LRRC4C: variants seen among roughly 807,000 people sequenced by gnomAD.
LRRC4C encodes the protein leucine-rich repeat-containing protein 4C.
LRRC4C carries 5 observed loss-of-function variants against 33.6 expected under a neutral mutation model. The observed-to-expected ratio is 0.15, with a 90% CI of 0.08 to 0.31. The LOEUF (loss-of-function observed/expected upper bound fraction) is 0.31. LRRC4C is among the 10% of genes least tolerant of loss of function. The pLI is 1.00. For synonymous variants in LRRC4C, 329 were observed against 302.0 expected, an observed-to-expected ratio of 1.09 and a Z score of -0.93; for missense variants, 560 against 796.7, an observed-to-expected ratio of 0.70 and a Z score of 3.58.
At chr11:40,204,442 G>A (rs1862995747) in intron 5 of LRRC4C, among the ~76,000 whole-genome samples, 1 of 151,898 alleles carries the variant, frequency 6.6e-6, no homozygotes, top group African/African-American at 2.4e-5. Flanking sequence ...TCCTTTCTCT[G>A]CCCCTTTGAC....
intron 1 of LRRC4C, among the ~76,000 whole-genome samples, chr11:41,273,274 G>A (rs10837609): frequency 0.18 from 26,812 of 151,966 alleles, 2,957 homozygotes; most frequent in East Asian, 0.44. Flanking sequence ...TCCCACTTCC[G>A]GTTATGTATC....
chr11:41,321,187 C>T (rs1950948655), intron 1 of LRRC4C, among the ~76,000 whole-genome samples: 1 of 152,000 alleles, frequency 6.6e-6, no homozygotes, highest in African/African-American at 2.4e-5. Context: ...TCTTTTTATG[C>T]CATGTAATGT....
intron 2 of LRRC4C, among the ~76,000 whole-genome samples, chr11:40,776,588 AT>A (rs1950005340): frequency 1.3e-5 from 2 of 151,726 alleles, no homozygotes; most frequent in African/African-American, 4.8e-5. Flanking sequence ...CACATTTGTC[AT>A]TTCTGATTGT....
intron 1 of LRRC4C, among the ~76,000 whole-genome samples, chr11:41,158,346 A>G (rs1458519499): frequency 1.3e-5 from 2 of 152,078 alleles, no homozygotes; most frequent in African/African-American, 2.4e-5. Context: ...GGTATTTCTG[A>G]AAAGTAATCA....
At chr11:40,136,833 CTG>C (rs1236360882) in intron 6 of LRRC4C, among the ~76,000 whole-genome samples, 1 of 152,152 alleles carries the variant, frequency 6.6e-6, no homozygotes, top group Non-Finnish European at 1.5e-5. Flanking sequence ...TTTCAGTACA[CTG>C]TGACATATTG....
intron 5 of LRRC4C, among the ~76,000 whole-genome samples, chr11:40,189,216 T>G (rs1445605009): frequency 6.6e-6 from 1 of 151,728 alleles, no homozygotes; most frequent in East Asian, 1.9e-4. Context: ...TTCCTTTATT[T>G]CCCCTTTTAA....
At chr11:41,177,747 T>C (rs1386670896) in intron 1 of LRRC4C, among the ~76,000 whole-genome samples, 6 of 152,214 alleles carry the variant, frequency 3.9e-5, no homozygotes. Context: ...ATTTATATAG[T>C]CATTTTTCTC....
chr11:40,553,130 G>A (rs983844995), intron 3 of LRRC4C, among the ~76,000 whole-genome samples: 3 of 152,102 alleles, frequency 2.0e-5, no homozygotes, highest in Non-Finnish European at 2.9e-5. Flanking sequence ...AAATTAGCCC[G>A]GCGTAGTGAC....
chr11:40,574,569 A>G (rs1258737639), intron 3 of LRRC4C, among the ~76,000 whole-genome samples: 2 of 152,214 alleles, frequency 1.3e-5, no homozygotes, highest in Non-Finnish European at 2.9e-5. Context: ...TTTTAAAATT[A>G]TAAATCAAGC....
intron 1 of LRRC4C, among the ~76,000 whole-genome samples, chr11:41,214,575 CAAAAAAAAAAA>C (rs547167050): frequency 2.9e-4 from 10 of 34,772 alleles, no homozygotes; most frequent in South Asian, 1.4e-3. Flanking sequence ...ACTAAAAATA[CAAAAAAAAAAA>C]AAAAAAAAAA....
chr11:40,970,915 TC>T lies in LRRC4C; in HGVS notation c.-495-37193del, dbSNP rs1336992900. Among the ~76,000 whole-genome samples, 3 of 152,318 alleles carry T rather than the reference TC, an allele frequency of 2.0e-5. No individual in the cohort carries two copies. In the East Asian group the frequency reaches 5.8e-4, roughly 29 times the overall value. ...AACTTGAAAGTGATGATTCAGGGTA[TC>T]CGGTGGAAGAAATTTCTAACCAGTG... On this transcript the variant is annotated intron_variant, in intron 1 of 6. Transcript: ENST00000528697.
intron 3 of LRRC4C, among the ~76,000 whole-genome samples, chr11:40,615,269 C>T (rs200396523): frequency 0.14 from 3,672 of 26,972 alleles, 182 homozygotes; most frequent in African/African-American, 0.23. Flanking sequence ...TATATATACA[C>T]ACACACACAC....
intron 4 of LRRC4C, among the ~76,000 whole-genome samples, chr11:40,303,023 A>AT (rs1190058279): frequency 1.3e-5 from 2 of 152,034 alleles, no homozygotes; most frequent in Non-Finnish European, 2.9e-5. Flanking sequence ...AAGAATTATT[A>AT]TTTTTTTCTT....
Position 40,759,235 on chromosome 11 carries a change from A to T in LRRC4C, c.-406-110957T>A, listed in dbSNP as rs1171960895. Among the ~76,000 whole-genome samples the T allele has an allele frequency of 1.6e-4, 24 of 147,416 alleles. No individual in the cohort carries two copies. The East Asian group carries it at 4.3e-3, about 26-fold the overall frequency. ...TATAATCGTCCATATATTATATTAT[A>T]TATATTATGTATGTACTTCTTCCAT... On this transcript the variant is annotated intron_variant, in intron 2 of 6. Coordinates refer to ENST00000528697, the MANE Select transcript of LRRC4C (RefSeq NM_001258419.2).
intron 3 of LRRC4C, among the ~76,000 whole-genome samples, chr11:40,557,617 T>C (rs1407122833): frequency 1.3e-5 from 2 of 152,138 alleles, no homozygotes; most frequent in East Asian, 1.9e-4. Context: ...GGGCATGTGG[T>C]ATGTCTATTC....
chr11:40,265,582 A>G (rs1327046429), intron 4 of LRRC4C, among the ~76,000 whole-genome samples: 1 of 152,242 alleles, frequency 6.6e-6, no homozygotes, highest in Non-Finnish European at 1.5e-5. Context: ...TGGAGGATAG[A>G]CACAGCAGGA....
intron 3 of LRRC4C, among the ~76,000 whole-genome samples, chr11:40,607,123 A>C (rs1487820786): frequency 1.3e-5 from 2 of 152,178 alleles, no homozygotes; most frequent in African/African-American, 4.8e-5. Context: ...ATCCTTCAAA[A>C]ATGAAGGCGA....
chr11:40,431,498 G>A (rs767601492), intron 3 of LRRC4C, among the ~76,000 whole-genome samples: 5 of 151,586 alleles, frequency 3.3e-5, no homozygotes, highest in African/African-American at 7.3e-5. Context: ...TTAGTATAGC[G>A]TTTTTCCTTT....
chr11:40,456,994 C>T (rs1016008914), intron 3 of LRRC4C, among the ~76,000 whole-genome samples: 21 of 150,802 alleles, frequency 1.4e-4, no homozygotes, highest in Admixed American at 4.0e-4. Context: ...CACTGTCCTT[C>T]GAAATGCAAA....
Sources: gnomAD v4.1 joint callset for allele counts (sites outside exome capture counted in the v4.1 genomes callset) on GRCh38, gnomAD v4.1.1 for gene constraint, MANE v1.5 for transcripts, NCBI Gene and HGNC (gene_info 2026-07-23, HGNC 2026-07-21) for gene names.